PDLIM3: variants seen among roughly 807,000 people sequenced by gnomAD.
The protein encoded by PDLIM3 is PDZ and LIM domain protein 3.
PDLIM3 carries 36 observed loss-of-function variants against 37.3 expected under a neutral mutation model. That is an observed-to-expected ratio of 0.97 (90% CI 0.74 to 1.28). The LOEUF (loss-of-function observed/expected upper bound fraction) is 1.28, where lower values mean the gene tolerates loss of function less well. Among genes scored for constraint, PDLIM3 ranks in the 50% most tolerant of loss-of-function variants. PDLIM3 has a pLI of 0.00. For synonymous variants in PDLIM3, 174 were observed against 182.4 expected (o/e 0.95, Z 0.37); for missense variants, 454 against 485.0 (o/e 0.94, Z 0.60).
In PDLIM3 at chr4:185,514,983, A is replaced by G. The variant is rs2095712741; in HGVS notation, c.331-646T>C. 1 of 957,930 alleles carries G rather than the reference A, an allele frequency of 1.0e-6. No homozygotes were observed. The highest frequency in any genetic ancestry group is 2.9e-5 in the Admixed American group (1 of 33,974). The allele number at this position is 957,930 out of a possible 1,614,324, so 59.3% of individuals were successfully genotyped here. Reference sequence around the variant, plus strand: ...CAGCATCACTACTGTTAATAAAGGCATCTTTACCCACGACGAGATTGACGG... The same window carrying G: ...CAGCATCACTACTGTTAATAAAGGCGTCTTTACCCACGACGAGATTGACGG... On this transcript the variant is annotated intron_variant, in intron 3 of 7. Coordinates refer to ENST00000284767, the MANE Select transcript of PDLIM3 (RefSeq NM_014476.6). This position sits in a 1 kb window ranked among gnomAD's most constrained non-coding sequence, Gnocchi z 4.0.
At chr4:185,516,060 C>T (rs2095714388) in intron 3 of PDLIM3, 1 of 133,312 alleles carries the variant, frequency 7.5e-6, no homozygotes, top group East Asian at 1.9e-4. Context: ...GCCACCACAC[C>T]CAGATAATTT....
rs141129783 is a variant in PDLIM3, at chr4:185,504,576, C to A, written c.804G>T (p.Pro268=). The A allele has an allele frequency of 1.2e-6, 2 of 1,613,872 alleles. No individual in the cohort carries two copies. The highest frequency in any genetic ancestry group is 1.1e-5 in the South Asian group (1 of 91,052). Residue 268 remains proline, a synonymous_variant, in exon 7 of 8, where the codon CCG becomes CCT. Coordinates refer to ENST00000284767, the MANE Select transcript of PDLIM3 (RefSeq NM_014476.6). This position sits in a 1 kb window ranked among gnomAD's most constrained non-coding sequence, Gnocchi z 4.7. ...GAGCTCTCACACTCCGCGTTCCAGC[C>A]GGACGGTCATCTGAAAAACAAAGCG... is the stretch of plus-strand genomic sequence containing the variant. ...GMVDDGSDDR[P]AGTRSVRAPV... is the part of the protein sequence containing the mutation.
At chr4:185,529,439 T>G (rs1406658232) in intron 1 of PDLIM3, among the ~76,000 whole-genome samples, 1 of 152,128 alleles carries the variant, frequency 6.6e-6, no homozygotes, top group Non-Finnish European at 1.5e-5. Context: ...TAAAAACGAC[T>G]GAAATAGTTA....
chr4:185,511,368 CTTTTT>C (rs11362501), intron 4 of PDLIM3, among the ~76,000 whole-genome samples: 115 of 145,876 alleles, frequency 7.9e-4, no homozygotes, highest in African/African-American at 2.8e-3. Flanking sequence ...CAACTTACTA[CTTTTT>C]TTTTTTTTTG....
At position 185,501,969 on chromosome 4, in the gene PDLIM3, T is replaced by G. The variant is rs889550834; in HGVS notation, c.*325A>C. ...GTCAAGGAAAGACAATTAGAGTCCT[T>G]CAAATATCTTGATGTTTATGTGTTT... is the stretch of plus-strand genomic sequence containing the variant. On this transcript the variant is annotated 3_prime_UTR_variant, in exon 8 of 8. Transcript: ENST00000284767. 2.6e-6 allele frequency: 1 copy of G among 380,608 alleles called. No individual in the cohort carries two copies. Among genetic ancestry groups the G allele is most frequent in the African/African-American group, 2.1e-5 (1 of 48,564 alleles). The allele number at this position is 380,608 out of a possible 1,614,324, so 23.6% of individuals were successfully genotyped here.
rs368933336 is a variant in PDLIM3, at chr4:185,508,594, G to A, written c.399-32C>T. ...TAATGGATACACGTTACACAGAGAT[G>A]GCACCGGGAGCCAGACAGTCCAGAC... On this transcript the variant is annotated intron_variant, in intron 4 of 7. Coordinates refer to ENST00000284767, the MANE Select transcript of PDLIM3 (RefSeq NM_014476.6). The A allele has an allele frequency of 1.5e-5, 24 of 1,611,854 alleles. No homozygotes were observed. In the African/African-American group the frequency reaches 2.9e-4, roughly 20 times the overall value.
At chr4:185,531,043 T>A (rs1316325241) in intron 1 of PDLIM3, among the ~76,000 whole-genome samples, 1 of 151,698 alleles carries the variant, frequency 6.6e-6, no homozygotes, top group African/African-American at 2.4e-5. Context: ...TTGGTACTAA[T>A]GTAGGTTTTA....
chr4:185,534,837 C>A (rs968523987), intron 1 of PDLIM3, among the ~76,000 whole-genome samples: 1 of 152,220 alleles, frequency 6.6e-6, no homozygotes, highest in Non-Finnish European at 1.5e-5. Context: ...CAACGCAGGT[C>A]GTGCCCCGCG....
intron 7 of PDLIM3, among the ~76,000 whole-genome samples, chr4:185,503,050 A>G (rs145295110): frequency 0.017 from 2,535 of 152,060 alleles, 80 homozygotes; most frequent in African/African-American, 0.059. Flanking sequence ...ACACGGTGAA[A>G]CCCCATCTCT....
At position 185,504,758 on chromosome 4, in the gene PDLIM3, G is replaced by A. The variant is rs2095693902; in HGVS notation, c.794-172C>T. The stretch of plus-strand genomic sequence containing the variant: ...CGCTGTTCTGAAATAGGGCATTATA[G>A]AATGGAATTAGTGAAAACATTTATT... On this transcript the variant is annotated intron_variant, in intron 6 of 7. Coordinates refer to ENST00000284767, the MANE Select transcript of PDLIM3 (RefSeq NM_014476.6). The surrounding 1 kb of genome is among the most constrained non-coding windows in gnomAD (Gnocchi z 4.7). Among the ~76,000 whole-genome samples, 1 of 152,220 alleles carries A rather than the reference G, an allele frequency of 6.6e-6. No individual in the cohort carries two copies. Among genetic ancestry groups the A allele is most frequent in the South Asian group, 2.1e-4 (1 of 4,834 alleles).
At chr4:185,532,085 G>A (rs932158807) in intron 1 of PDLIM3, among the ~76,000 whole-genome samples, 1 of 152,124 alleles carries the variant, frequency 6.6e-6, no homozygotes, top group African/African-American at 2.4e-5. Flanking sequence ...GAGACAGAGC[G>A]AGACTCTGTC....
rs10866276 is a variant in PDLIM3, at chr4:185,502,523, G to A, written c.906-40C>T. The A allele has an allele frequency of 0.82, 1,302,544 of 1,592,368 alleles. 542,352 individuals carry two copies. The highest frequency in any genetic ancestry group is 0.86 in the Non-Finnish European group (993,340 of 1,160,424). On this transcript the variant is annotated intron_variant, in intron 7 of 7. Transcript: ENST00000284767. Reference sequence around the variant, plus strand: ...AACGAGCTCAAGTTAAAAAACCACAGAGCAAAAATATGAGACAAAGGAGAG... The same window carrying A: ...AACGAGCTCAAGTTAAAAAACCACAAAGCAAAAATATGAGACAAAGGAGAG...
chr4:185,520,618 C>G (rs949215991), intron 3 of PDLIM3, among the ~76,000 whole-genome samples: 2 of 66,096 alleles, frequency 3.0e-5, no homozygotes, highest in African/African-American at 5.5e-5. Context: ...AATTAATACT[C>G]ATAGACTTGC....
chr4:185,520,290 G>T (rs890022555), intron 3 of PDLIM3, among the ~76,000 whole-genome samples: 1 of 152,200 alleles, frequency 6.6e-6, no homozygotes, highest in Non-Finnish European at 1.5e-5. Context: ...TTCATTAGTA[G>T]AACTGAATTG....
Position 185,514,855 on chromosome 4 carries a change from C to T in PDLIM3, c.331-518G>A, listed in dbSNP as rs2095712469. The stretch of plus-strand genomic sequence containing the variant: ...TTGCAGCTGCAACAAAAGGCTGGGC[C>T]CTTCTGTTGTGCGCGGTACCAATGG... On this transcript the variant is annotated intron_variant, in intron 3 of 7. Coordinates refer to ENST00000284767, the MANE Select transcript of PDLIM3 (RefSeq NM_014476.6). The surrounding 1 kb of genome is among the most constrained non-coding windows in gnomAD (Gnocchi z 4.0). 3 of 1,551,616 alleles carry T rather than the reference C, an allele frequency of 1.9e-6. No homozygotes were observed. The South Asian group carries it at 3.6e-5, about 18-fold the overall frequency.
At position 185,514,382 on chromosome 4, in the gene PDLIM3, AC is replaced by A. The variant is rs779141958; in HGVS notation, c.331-46del. 802 of 1,614,150 alleles carry A rather than the reference AC, an allele frequency of 5.0e-4. No homozygotes were observed. Among genetic ancestry groups the A allele is most frequent in the Non-Finnish European group, 6.5e-4 (765 of 1,180,024 alleles). On this transcript the variant is annotated intron_variant, in intron 3 of 7. Coordinates refer to ENST00000284767, the MANE Select transcript of PDLIM3 (RefSeq NM_014476.6). This position sits in a 1 kb window ranked among gnomAD's most constrained non-coding sequence, Gnocchi z 4.0. Reference sequence around the variant, plus strand: ...AAAAGGCCCTCAGTGGAAGGCGGACACTGTTGCAGATAAGATTAAACGAACG... The same window carrying A: ...AAAAGGCCCTCAGTGGAAGGCGGACATGTTGCAGATAAGATTAAACGAACG...
intron 5 of PDLIM3, among the ~76,000 whole-genome samples, chr4:185,507,667 T>G (rs1580238269): frequency 6.6e-6 from 1 of 152,196 alleles, no homozygotes; most frequent in African/African-American, 2.4e-5. Context: ...AAAATCTTTA[T>G]GGCAAAAGTA....
In PDLIM3 at chr4:185,504,701, G is replaced by C; in HGVS notation, c.794-115C>G. The C allele has an allele frequency of 1.3e-6, 1 of 777,068 alleles. No individual in the cohort carries two copies. Among genetic ancestry groups the C allele is most frequent in the South Asian group, 1.5e-5 (1 of 68,184 alleles). 48.1% of individuals were successfully genotyped at this position (777,068 alleles called of 1,614,324 possible). A position where few individuals can be genotyped will look rare whatever the true frequency, so the allele number is the denominator to read the frequency against. ...GAAGTTGCATCTGCACCGTCATTCC[G>C]AGAGGGGCAGGACTGATGCAATCAT... On this transcript the variant is annotated intron_variant, in intron 6 of 7. Coordinates refer to ENST00000284767, the MANE Select transcript of PDLIM3 (RefSeq NM_014476.6). This position sits in a 1 kb window ranked among gnomAD's most constrained non-coding sequence, Gnocchi z 4.7.
At chr4:185,513,461 A>G in intron 4 of PDLIM3, 1 of 935,524 alleles carries the variant, frequency 1.1e-6, no homozygotes, top group Non-Finnish European at 1.3e-6. Flanking sequence ...CTTAAGAGTG[A>G]TGTGCATTTT....
Sources: allele counts gnomAD v4.1 joint callset (sites outside exome capture counted in the v4.1 genomes callset), GRCh38; gene constraint gnomAD v4.1.1; non-coding constraint Gnocchi (gnomAD v3.1); transcripts MANE v1.5; gene names NCBI Gene and HGNC (gene_info 2026-07-23, HGNC 2026-07-21).